Variants in CDC42BPA observed in about 807,000 individuals in gnomAD.
CDC42BPA encodes CDC42 binding protein kinase alpha, also known as serine/threonine-protein kinase MRCK alpha.
Under a neutral mutation model 223.5 loss-of-function variants are expected in CDC42BPA, and 80 were observed. That is an observed-to-expected ratio of 0.36 (90% CI 0.30 to 0.43). The LOEUF is 0.43. Among genes scored for constraint, CDC42BPA ranks in the 20% least tolerant of loss-of-function variants. The pLI, the probability that CDC42BPA is intolerant of heterozygous loss-of-function variation, is 1.00. For synonymous variants in CDC42BPA, 694 were observed against 718.6 expected, an observed-to-expected ratio of 0.97 and a Z score of 0.55; for missense variants, 1,743 against 2,099.9, an observed-to-expected ratio of 0.83 and a Z score of 3.32.
intron 10 of CDC42BPA, among the ~76,000 whole-genome samples, chr1:227,132,983 C>T (rs1235126095): frequency 2.0e-5 from 3 of 151,896 alleles, no homozygotes; most frequent in Non-Finnish European, 4.4e-5. Flanking sequence ...GGCAGCCACC[C>T]CGTCTGGGAA....
chr1:227,297,518 A>G (rs1466357351), intron 1 of CDC42BPA, among the ~76,000 whole-genome samples: 1 of 152,188 alleles, frequency 6.6e-6, no homozygotes, highest in Non-Finnish European at 1.5e-5. Flanking sequence ...ATAATAACCA[A>G]AAGGTGGAAA....
chr1:227,098,006 CTTT>C lies in CDC42BPA; in HGVS notation c.2249+2983_2249+2985del, dbSNP rs998827249. Among the ~76,000 whole-genome samples the C allele has an allele frequency of 6.8e-4, 104 of 152,148 alleles. 1 individual carries two copies. The highest frequency in any genetic ancestry group is 1.8e-4 in the Non-Finnish European group (12 of 68,018). On this transcript the variant is annotated intron_variant, in intron 15 of 36. Transcript: ENST00000366766. ...GCTTCCTTTTATTCCTGTTCTAAAG[CTTT>C]TTAACAAACTTTCACTCCTGTTCTA...
chr1:227,305,702 A>G (rs901437618), intron 1 of CDC42BPA, among the ~76,000 whole-genome samples: 1 of 152,200 alleles, frequency 6.6e-6, no homozygotes, highest in Non-Finnish European at 1.5e-5. Context: ...GTGGTGGCTC[A>G]CGCCTGTAAT....
chr1:227,285,005 T>C (rs1313994171), intron 1 of CDC42BPA, among the ~76,000 whole-genome samples: 1 of 151,150 alleles, frequency 6.6e-6, no homozygotes, highest in Non-Finnish European at 1.5e-5. Context: ...GATCAAAGCA[T>C]TCTCTGGTAC....
chr1:227,000,093 T>C (rs940005391), intron 35 of CDC42BPA, among the ~76,000 whole-genome samples: 1 of 130,672 alleles, frequency 7.7e-6, no homozygotes, highest in African/African-American at 2.7e-5. Context: ...GAACTTAAAG[T>C]ATAATAATAA....
At chr1:227,082,640 G>A (rs565879727) in intron 16 of CDC42BPA, among the ~76,000 whole-genome samples, 2 of 148,870 alleles carry the variant, frequency 1.3e-5, no homozygotes, top group South Asian at 2.2e-4. Flanking sequence ...GCTTGAACCC[G>A]GTAGGTGGAG....
chr1:227,108,536 G>C (rs1391777286), intron 14 of CDC42BPA, among the ~76,000 whole-genome samples: 1 of 152,010 alleles, frequency 6.6e-6, no homozygotes, highest in Non-Finnish European at 1.5e-5. Context: ...CTATCCTGGA[G>C]AATCTGCCAT....
At chr1:227,216,019 A>T (rs1674758583) in intron 2 of CDC42BPA, among the ~76,000 whole-genome samples, 1 of 152,186 alleles carries the variant, frequency 6.6e-6, no homozygotes, top group African/African-American at 2.4e-5. Context: ...TTACTCATAC[A>T]CTTGAAAAAA....
intron 14 of CDC42BPA, among the ~76,000 whole-genome samples, chr1:227,101,497 C>G (rs1685049948): frequency 6.6e-6 from 1 of 152,004 alleles, no homozygotes; most frequent in Non-Finnish European, 1.5e-5. Flanking sequence ...CATATTTATT[C>G]AAATTTTTGG....
intron 23 of CDC42BPA, among the ~76,000 whole-genome samples, chr1:227,045,493 T>A (rs1415254246): frequency 1.3e-5 from 2 of 152,224 alleles, no homozygotes; most frequent in Non-Finnish European, 2.9e-5. Context: ...AACTGTGCAA[T>A]CTGGAAACAT....
intron 5 of CDC42BPA, among the ~76,000 whole-genome samples, chr1:227,180,904 T>C (rs1667820584): frequency 6.7e-6 from 1 of 149,220 alleles, no homozygotes; most frequent in African/African-American, 2.4e-5. Context: ...AGAAATAACT[T>C]GGGGCCTTTT....
intron 5 of CDC42BPA, among the ~76,000 whole-genome samples, chr1:227,179,657 A>AAAAAAAAAAC (rs1667595674): frequency 6.7e-6 from 1 of 149,948 alleles, no homozygotes; most frequent in Non-Finnish European, 1.5e-5. Flanking sequence ...AAAAAAAAAA[A>AAAAAAAAAAC]AAAGCTATTT....
chr1:227,149,870 G>A (rs748020590), intron 6 of CDC42BPA, among the ~76,000 whole-genome samples: 19 of 152,112 alleles, frequency 1.2e-4, no homozygotes, highest in Non-Finnish European at 2.2e-4. Context: ...AAGAGACAAA[G>A]CTTAAATTTT....
intron 34 of CDC42BPA, among the ~76,000 whole-genome samples, chr1:227,005,624 T>C (rs913837029): frequency 3.9e-5 from 6 of 152,208 alleles, no homozygotes; most frequent in African/African-American, 1.4e-4. Flanking sequence ...CTCACACCAA[T>C]AGTAGTACTG....
chr1:226,995,165 G>A (rs763430341), intron 35 of CDC42BPA, among the ~76,000 whole-genome samples, 185 bp from the exon 36 acceptor site: 2 of 152,110 alleles, frequency 1.3e-5, no homozygotes, highest in East Asian at 1.9e-4. Context: ...AATCTCACTC[G>A]CTGTTCCTGT....
chr1:227,075,011 T>C (rs1275625117), intron 17 of CDC42BPA, among the ~76,000 whole-genome samples: 1 of 152,208 alleles, frequency 6.6e-6, no homozygotes, highest in African/African-American at 2.4e-5. Context: ...TTTTAGAATT[T>C]CTCAAGAAAA....
At chr1:227,234,756 A>G (rs1416360866) in intron 2 of CDC42BPA, 1 of 152,258 alleles carries the variant, frequency 6.6e-6, no homozygotes, top group East Asian at 1.9e-4. Flanking sequence ...AAGCCTCACT[A>G]CACGCCTTCC....
chr1:227,233,820 C>G (rs1678484718), intron 2 of CDC42BPA, among the ~76,000 whole-genome samples: 1 of 152,196 alleles, frequency 6.6e-6, no homozygotes, highest in South Asian at 2.1e-4. Flanking sequence ...GTAATCCCAG[C>G]TACTCAGGAG....
intron 15 of CDC42BPA, among the ~76,000 whole-genome samples, chr1:227,097,806 C>T (rs1250971385): frequency 6.6e-6 from 1 of 152,182 alleles, no homozygotes; most frequent in Non-Finnish European, 1.5e-5. Context: ...TGCAGCCCCT[C>T]CCAAGTGCTG....
Sources: allele counts gnomAD v4.1 joint callset (sites outside exome capture counted in the v4.1 genomes callset), GRCh38; gene constraint gnomAD v4.1.1; transcripts MANE v1.5; gene names NCBI Gene and HGNC (gene_info 2026-07-23, HGNC 2026-07-21).